FNDC3B: variants seen among roughly 807,000 people sequenced by gnomAD.
FNDC3B encodes fibronectin type III domain containing 3B.
In FNDC3B, 12 loss-of-function variants were observed where a neutral mutation model predicts 151.5. That is an observed-to-expected ratio of 0.08 (90% CI 0.05 to 0.13). The LOEUF (loss-of-function observed/expected upper bound fraction) is 0.13. Among genes scored for constraint, FNDC3B ranks in the 10% least tolerant of loss-of-function variants. FNDC3B has a pLI of 1.00. For synonymous variants in FNDC3B, 528 were observed against 549.0 expected (o/e 0.96, Z 0.54); for missense variants, 1,214 against 1,505.3 (o/e 0.81, Z 3.20).
chr3:172,315,086 G>A (rs943006946), intron 11 of FNDC3B, among the ~76,000 whole-genome samples: 10 of 152,120 alleles, frequency 6.6e-5, no homozygotes, highest in African/African-American at 1.7e-4. Context: ...AGCTAAAAAC[G>A]GAATTTACAG....
chr3:172,214,378 G>A (rs898594945), intron 3 of FNDC3B, among the ~76,000 whole-genome samples: 1 of 152,086 alleles, frequency 6.6e-6, no homozygotes, highest in Admixed American at 6.5e-5. Flanking sequence ...CCCAGCTGCC[G>A]GACAACTTAG....
At chr3:172,222,775 G>A (rs1287930033) in intron 3 of FNDC3B, among the ~76,000 whole-genome samples, 1 of 152,188 alleles carries the variant, frequency 6.6e-6, no homozygotes, top group Admixed American at 6.5e-5. Context: ...TTTCCTAACT[G>A]GCCACAAACC....
intron 23 of FNDC3B, among the ~76,000 whole-genome samples, chr3:172,377,316 C>A (rs577939825): frequency 2.0e-5 from 3 of 152,304 alleles, no homozygotes; most frequent in African/African-American, 7.2e-5. Context: ...TCAGCGTGTC[C>A]ACTGGACCAG....
At chr3:172,185,271 A>C (rs1724111001) in intron 3 of FNDC3B, among the ~76,000 whole-genome samples, 1 of 152,192 alleles carries the variant, frequency 6.6e-6, no homozygotes, top group African/African-American at 2.4e-5. Context: ...AGCTAGGTAG[A>C]CTTAAAAAAC....
At chr3:172,336,138 AT>A (rs1380351997) in intron 15 of FNDC3B, among the ~76,000 whole-genome samples, 1 of 152,234 alleles carries the variant, frequency 6.6e-6, no homozygotes, top group Admixed American at 6.5e-5. Flanking sequence ...TGAAGTATAT[AT>A]ACATTAATGG....
intron 25 of FNDC3B, among the ~76,000 whole-genome samples, chr3:172,391,454 T>C (rs1736003352): frequency 6.6e-6 from 1 of 152,182 alleles, no homozygotes; most frequent in Non-Finnish European, 1.5e-5. Flanking sequence ...GAAATCCTGA[T>C]TCTAGTTTCT....
At chr3:172,315,796 CA>C (rs1731749903) in intron 11 of FNDC3B, among the ~76,000 whole-genome samples, 1 of 152,052 alleles carries the variant, frequency 6.6e-6, no homozygotes, top group South Asian at 2.1e-4. Context: ...AACAGCAAAA[CA>C]ATGACTAGAT....
chr3:172,103,723 G>A (rs7651931), intron 1 of FNDC3B, among the ~76,000 whole-genome samples: 101,126 of 152,032 alleles, frequency 0.67, 33,794 homozygotes, highest in East Asian at 0.78. Flanking sequence ...AAATGCTCCC[G>A]ACTAAATCTT....
intron 22 of FNDC3B, among the ~76,000 whole-genome samples, chr3:172,359,730 A>G (rs1386685894): frequency 6.6e-6 from 1 of 152,178 alleles, no homozygotes; most frequent in Non-Finnish European, 1.5e-5. Flanking sequence ...TATAAGACTC[A>G]TATGGGAGGC....
At chr3:172,093,018 A>G (rs556109680) in intron 1 of FNDC3B, among the ~76,000 whole-genome samples, 1 of 152,062 alleles carries the variant, frequency 6.6e-6, no homozygotes, top group African/African-American at 2.4e-5. Context: ...GCATCTTTCT[A>G]TGTTGTCCAG....
At chr3:172,306,561 A>G (rs1731210669) in intron 9 of FNDC3B, among the ~76,000 whole-genome samples, 1 of 152,214 alleles carries the variant, frequency 6.6e-6, no homozygotes, top group South Asian at 2.1e-4. Flanking sequence ...TGAAAAAATA[A>G]ATTCCCAGTA....
intron 11 of FNDC3B, among the ~76,000 whole-genome samples, chr3:172,317,427 G>A (rs968163200): frequency 9.2e-5 from 14 of 151,778 alleles, no homozygotes; most frequent in South Asian, 4.1e-4. Context: ...CTCGTGATCC[G>A]CCTGCCTCGG....
At chr3:172,149,817 T>G (rs1722120097) in intron 3 of FNDC3B, among the ~76,000 whole-genome samples, 2 of 112,940 alleles carry the variant, frequency 1.8e-5, no homozygotes, top group East Asian at 2.3e-4. Flanking sequence ...TTTTTTTTTT[T>G]TTTTTTTTTT....
intron 1 of FNDC3B, among the ~76,000 whole-genome samples, chr3:172,053,263 G>T (rs9831880): frequency 5.9e-5 from 9 of 152,078 alleles, no homozygotes; most frequent in Non-Finnish European, 1.0e-4. Context: ...AGATGAGAAG[G>T]CATACTCAAA....
intron 6 of FNDC3B, among the ~76,000 whole-genome samples, chr3:172,284,587 A>C (rs1729910495): frequency 6.6e-6 from 1 of 151,876 alleles, no homozygotes; most frequent in Non-Finnish European, 1.5e-5. Flanking sequence ...AAACCTGAAC[A>C]GTAAGGACAA....
chr3:172,314,187 C>T lies in FNDC3B; in HGVS notation c.1254+3306C>T, dbSNP rs185670471. 1.1e-4 allele frequency among the ~76,000 whole-genome samples: 17 copies of T among 152,266 alleles called. No individual in the cohort carries two copies. The East Asian group carries it at 3.1e-3, about 28-fold the overall frequency. ...GGAAGTGGATGTTTTGCTGGAATCA[C>T]CCTTTCCCCACCCCTCCCCTCTCTA... On this transcript the variant is annotated intron_variant, in intron 11 of 25. Transcript: ENST00000415807.
chr3:172,334,979 A>C lies in FNDC3B; in HGVS notation c.1677A>C (p.Pro559=). 1 of 1,613,942 alleles carries C rather than the reference A, an allele frequency of 6.2e-7. No individual in the cohort carries two copies. The highest frequency in any genetic ancestry group is 8.5e-7 in the Non-Finnish European group (1 of 1,179,900). Residue 559 remains proline (P), a synonymous_variant, in exon 15 of 26, where the codon CCA becomes CCC. Transcript: ENST00000415807. ...TASNTEGKSC[P]SEVLVCTTSP... ...CTAATACGGAAGGAAAAAGCTGTCC[A>C]AGCGAAGTTCTTGTTTGTACGACGA...
intron 1 of FNDC3B, among the ~76,000 whole-genome samples, chr3:172,065,359 C>T (rs1576830748): frequency 6.6e-6 from 1 of 152,058 alleles, no homozygotes; most frequent in South Asian, 2.1e-4. Flanking sequence ...TGGTAGACTC[C>T]TATGTGCCAT....
At chr3:172,139,752 C>CT (rs958236697) in intron 3 of FNDC3B, among the ~76,000 whole-genome samples, 443 of 144,642 alleles carry the variant, frequency 3.1e-3, no homozygotes, top group African/African-American at 7.4e-3. Flanking sequence ...AAAACCATTT[C>CT]TTTTTTTTTT....
Sources: gnomAD v4.1 joint callset for allele counts (sites outside exome capture counted in the v4.1 genomes callset) on GRCh38, gnomAD v4.1.1 for gene constraint, MANE v1.5 for transcripts, NCBI Gene and HGNC (gene_info 2026-07-23, HGNC 2026-07-21) for gene names.